SCML2: variants seen among roughly 807,000 people sequenced by gnomAD.
SCML2 encodes the protein Scm polycomb group protein like 2, also known as sex comb on midleg-like protein 2.
SCML2 carries 6 observed loss-of-function variants against 48.4 expected under a neutral mutation model. That is an observed-to-expected ratio of 0.12 (90% CI 0.07 to 0.24). SCML2 has a LOEUF of 0.24. Among genes scored for constraint, SCML2 ranks in the 10% least tolerant of loss-of-function variants. The probability of loss-of-function intolerance (pLI) is 1.00; values close to 1 mark genes in which losing one functional copy is unlikely to be tolerated. For synonymous variants in SCML2, 181 were observed against 189.5 expected (o/e 0.95, Z 0.37); for missense variants, 377 against 528.2 (o/e 0.71, Z 2.81).
At chrX:18,250,262 G>C (rs964559231) in intron 11 of SCML2, among the ~76,000 whole-genome samples, 5 of 112,032 alleles carry the variant, frequency 4.5e-5, no homozygotes, top group African/African-American at 1.6e-4. Context: ...GCCCATGCTG[G>C]AGTGCAATGG....
chrX:18,307,430 A>G (rs1419702175), intron 6 of SCML2, among the ~76,000 whole-genome samples: 1 of 111,833 alleles, frequency 8.9e-6, no homozygotes, highest in African/African-American at 3.3e-5. Context: ...GTATGAGAAG[A>G]AAATAGTGGG....
At chrX:18,303,967 C>A (rs1229250183) in intron 7 of SCML2, among the ~76,000 whole-genome samples, 1 of 112,472 alleles carries the variant, frequency 8.9e-6, no homozygotes, top group Non-Finnish European at 1.9e-5. Flanking sequence ...CTTTTTTTCT[C>A]ATAAAAATAA....
intron 1 of SCML2, among the ~76,000 whole-genome samples, chrX:18,335,857 G>C (rs1929794556): frequency 9.0e-6 from 1 of 111,593 alleles, no homozygotes; most frequent in Admixed American, 9.5e-5. Flanking sequence ...ATCCTCATAG[G>C]GTCTTCAGAG....
At chrX:18,274,547 T>G (rs1274541118) in intron 7 of SCML2, among the ~76,000 whole-genome samples, 2 of 112,104 alleles carry the variant, frequency 1.8e-5, no homozygotes, top group Non-Finnish European at 3.8e-5. Context: ...CTTTTCCACT[T>G]GAAACTCTTC....
chrX:18,267,734 C>T (rs954874683), intron 7 of SCML2, among the ~76,000 whole-genome samples: 5 of 109,338 alleles, frequency 4.6e-5, no homozygotes, highest in African/African-American at 1.0e-4. Context: ...TACAGGCGCC[C>T]GCCACTACGC....
intron 11 of SCML2, among the ~76,000 whole-genome samples, chrX:18,253,931 T>C (rs1426813234): frequency 1.8e-5 from 2 of 111,901 alleles, no homozygotes; most frequent in Non-Finnish European, 3.8e-5. Flanking sequence ...ATTCCATTTC[T>C]ATAAAGTTCA....
chrX:18,321,990 T>C (rs1337545613), intron 5 of SCML2, among the ~76,000 whole-genome samples: 1 of 111,860 alleles, frequency 8.9e-6, no homozygotes, highest in Non-Finnish European at 1.9e-5. Flanking sequence ...ATGTTCTATT[T>C]TCTGATTTGG....
intron 7 of SCML2, among the ~76,000 whole-genome samples, 171 bp from the exon 8 acceptor site, chrX:18,265,973 G>A (rs1267943084): frequency 8.9e-6 from 1 of 111,808 alleles, no homozygotes; most frequent in Non-Finnish European, 1.9e-5. Flanking sequence ...GGTATCCTAA[G>A]ATTTCATATT....
intron 7 of SCML2, among the ~76,000 whole-genome samples, chrX:18,286,921 T>G (rs970957278): frequency 9.0e-6 from 1 of 110,956 alleles, no homozygotes; most frequent in African/African-American, 3.3e-5. Flanking sequence ...TGCCTTTTCA[T>G]ATTTTAACCC....
chrX:18,316,697 C>G (rs12011141), intron 6 of SCML2, among the ~76,000 whole-genome samples: 2 of 112,040 alleles, frequency 1.8e-5, no homozygotes, highest in Non-Finnish European at 3.8e-5. Context: ...CTGTTAGGAA[C>G]TGGGTGGCAC....
intron 7 of SCML2, among the ~76,000 whole-genome samples, chrX:18,296,548 C>T (rs1391526588): frequency 4.5e-5 from 5 of 111,095 alleles, no homozygotes; most frequent in Non-Finnish European, 7.5e-5. Flanking sequence ...TAGCTGAAAA[C>T]TACCCAAACG....
chrX:18,336,907 T>C (rs1929839491), intron 1 of SCML2, among the ~76,000 whole-genome samples: 1 of 111,176 alleles, frequency 9.0e-6, no homozygotes, highest in Admixed American at 9.6e-5. Context: ...TCATATTAAA[T>C]GGTCAACTAA....
At chrX:18,349,728 TG>T (rs757367165) in intron 1 of SCML2, among the ~76,000 whole-genome samples, 1 of 109,235 alleles carries the variant, frequency 9.2e-6, no homozygotes, top group East Asian at 2.9e-4. Flanking sequence ...ACCTCGGAGG[TG>T]GGGGTTGCAG....
chrX:18,351,256 CGA>C (rs1239682209), intron 1 of SCML2, among the ~76,000 whole-genome samples: 6 of 105,979 alleles, frequency 5.7e-5, no homozygotes, highest in Non-Finnish European at 7.7e-5. Context: ...GGCAACACAG[CGA>C]GAGCCCATCT....
chrX:18,272,416 TATC>T (rs1927492213), intron 7 of SCML2, among the ~76,000 whole-genome samples: 1 of 112,222 alleles, frequency 8.9e-6, no homozygotes, highest in South Asian at 3.7e-4. Flanking sequence ...TCCTGGTACT[TATC>T]ACAACAGGCA....
intron 7 of SCML2, among the ~76,000 whole-genome samples, chrX:18,273,669 G>C (rs1025966248): frequency 1.8e-5 from 2 of 111,482 alleles, no homozygotes; most frequent in Non-Finnish European, 3.8e-5. Context: ...TTCCCAGCAA[G>C]GGCCTTACCC....
At chrX:18,243,041 C>T (rs1926323519) in intron 13 of SCML2, among the ~76,000 whole-genome samples, 1 of 112,104 alleles carries the variant, frequency 8.9e-6, no homozygotes, top group Non-Finnish European at 1.9e-5. Context: ...CCCAAATTTA[C>T]AGTTAGTTTT....
chrX:18,259,826 C>T (rs1926994224), intron 9 of SCML2, among the ~76,000 whole-genome samples: 1 of 111,468 alleles, frequency 9.0e-6, no homozygotes, highest in Non-Finnish European at 1.9e-5. Flanking sequence ...AGGTTTGAGG[C>T]AGCTTTGAAA....
At chrX:18,243,430 C>T (rs916840883) in intron 13 of SCML2, among the ~76,000 whole-genome samples, 15 of 111,487 alleles carry the variant, frequency 1.3e-4, no homozygotes, top group Non-Finnish European at 2.6e-4. Context: ...TTTCAATAAT[C>T]CCATTATTTT....
Sources: gnomAD v4.1 joint callset for allele counts (sites outside exome capture counted in the v4.1 genomes callset) on GRCh38, gnomAD v4.1.1 for gene constraint, MANE v1.5 for transcripts, NCBI Gene and HGNC (gene_info 2026-07-23, HGNC 2026-07-21) for gene names.